The following BRINP3 variants were observed in gnomAD, a reference collection of about 807,000 sequenced individuals.
The protein encoded by BRINP3 is BMP/retinoic acid inducible neural specific 3, also known as BMP/retinoic acid-inducible neural-specific protein 3.
BRINP3 carries 19 observed loss-of-function variants against 71.0 expected under a neutral mutation model. The ratio of observed to expected loss-of-function variants is 0.27; its 90% CI spans 0.19 to 0.39. The LOEUF (loss-of-function observed/expected upper bound fraction) is 0.39, where lower values mean the gene tolerates loss of function less well. Among genes scored for constraint, BRINP3 ranks in the 10% least tolerant of loss-of-function variants. The pLI is 1.00. For synonymous variants in BRINP3, 380 were observed against 337.7 expected (o/e 1.13, Z -1.37); for missense variants, 959 against 940.8 (o/e 1.02, Z -0.25).
chr1:190,246,436 T>G (rs1659618276), intron 4 of BRINP3, among the ~76,000 whole-genome samples: 1 of 151,870 alleles, frequency 6.6e-6, no homozygotes, highest in Non-Finnish European at 1.5e-5. Flanking sequence ...GAATTTTGGG[T>G]CTCTAGAAGT....
chr1:190,144,158 C>T lies in BRINP3; in HGVS notation c.1184+16510G>A, dbSNP rs374187402. Among the ~76,000 whole-genome samples the T allele has an allele frequency of 1.8e-3, 270 of 152,216 alleles. 3 individuals are homozygous for T. The highest frequency in any genetic ancestry group is 6.1e-3 in the African/African-American group (253 of 41,552). ...AGAAAATTACAGGAAATTTCAGTAT[C>T]AATTAATGTCTTTTTGAAATGCAAC... On this transcript the variant is annotated intron_variant, in intron 7 of 7. Transcript: ENST00000367462.
intron 4 of BRINP3, among the ~76,000 whole-genome samples, chr1:190,235,507 T>C (rs1259962327): frequency 1.3e-5 from 2 of 152,066 alleles, no homozygotes; most frequent in East Asian, 3.8e-4. Flanking sequence ...TTCCCATTCT[T>C]ACTTAGGGTG....
chr1:190,334,309 A>C (rs1667149876), intron 2 of BRINP3, among the ~76,000 whole-genome samples: 1 of 151,860 alleles, frequency 6.6e-6, no homozygotes, highest in South Asian at 2.1e-4. Flanking sequence ...GTCTATGCTG[A>C]AAAATATGTG....
intron 2 of BRINP3, among the ~76,000 whole-genome samples, chr1:190,372,133 C>G (rs1219257632): frequency 6.6e-6 from 1 of 152,104 alleles, no homozygotes; most frequent in Non-Finnish European, 1.5e-5. Flanking sequence ...TAAGAGAGGA[C>G]ACAACAGTAA....
intron 2 of BRINP3, among the ~76,000 whole-genome samples, chr1:190,363,740 G>A (rs1344431404): frequency 6.6e-6 from 1 of 152,094 alleles, no homozygotes; most frequent in Non-Finnish European, 1.5e-5. Flanking sequence ...AATCGTAGTA[G>A]GAATGGAGTA....
rs762331502 is a variant in BRINP3, at chr1:190,454,798, C to A, written c.93G>T (p.Ala31=). 2.5e-6 allele frequency: 4 copies of A among 1,614,108 alleles called. No homozygotes were observed. The highest frequency in any genetic ancestry group is 1.6e-4 in the Middle Eastern group (1 of 6,062). The change falls in exon 2 of 8, where the codon GCG becomes GCT. Residue 31 remains alanine (A), a synonymous_variant. Transcript: ENST00000367462. ...CATGCTGATCCGAAACAGCAGCAACCGCTAAAACCCAGCAATGAAGACTCA... is the reference window on the plus strand; with the variant it reads ...CATGCTGATCCGAAACAGCAGCAACAGCTAAAACCCAGCAATGAAGACTCA... The part of the protein sequence containing the change: ...IALSLHCWVL[A]VAAVSDQHAT...
intron 3 of BRINP3, among the ~76,000 whole-genome samples, chr1:190,271,250 T>C (rs1293081085): frequency 6.6e-6 from 1 of 151,596 alleles, no homozygotes; most frequent in African/African-American, 2.4e-5. Context: ...AGTTTAGATG[T>C]AAGTGTACCA....
At position 190,410,020 on chromosome 1, in the gene BRINP3, C is replaced by A. The variant is rs538471320; in HGVS notation, c.236+44635G>T. 1.3e-4 allele frequency among the ~76,000 whole-genome samples: 20 copies of A among 152,016 alleles called. No individual in the cohort carries two copies. In the East Asian group the frequency reaches 2.1e-3, roughly 16 times the overall value. ...TATTTCTTTTTCCTCTTTCTCCTTCCCTCTTCTTTTATTTCCCTTCCTTCT... is the reference window on the plus strand; with the variant it reads ...TATTTCTTTTTCCTCTTTCTCCTTCACTCTTCTTTTATTTCCCTTCCTTCT... On this transcript the variant is annotated intron_variant, in intron 2 of 7. Transcript: ENST00000367462.
chr1:190,171,386 C>T lies in BRINP3; in HGVS notation c.962-10496G>A, dbSNP rs1044880581. 2.6e-5 allele frequency among the ~76,000 whole-genome samples: 4 copies of T among 152,208 alleles called. No individual in the cohort carries two copies. The South Asian group carries it at 8.3e-4, about 32-fold the overall frequency. On this transcript the variant is annotated intron_variant, in intron 6 of 7. Coordinates refer to ENST00000367462, the MANE Select transcript of BRINP3 (RefSeq NM_199051.3). Reference sequence around the variant, plus strand: ...AATAATACCTTCAAGGAAAAATACCCTTTCTTTTAAACAGGAAACACTTGC... The same window carrying T: ...AATAATACCTTCAAGGAAAAATACCTTTTCTTTTAAACAGGAAACACTTGC...
chr1:190,408,301 C>T (rs2102396572), intron 2 of BRINP3, among the ~76,000 whole-genome samples: 1 of 152,034 alleles, frequency 6.6e-6, no homozygotes, highest in Non-Finnish European at 1.5e-5. Context: ...ACCTCGGCCT[C>T]TCAAAGTGCT....
chr1:190,132,478 T>G (rs553624921), intron 7 of BRINP3, among the ~76,000 whole-genome samples: 2 of 152,204 alleles, frequency 1.3e-5, no homozygotes, highest in Admixed American at 1.3e-4. Context: ...TTTAAGCTGT[T>G]TGTATCATAT....
chr1:190,153,920 A>C (rs1335575013), intron 7 of BRINP3: 3 of 198,204 alleles, frequency 1.5e-5, no homozygotes, highest in Non-Finnish European at 2.7e-5. Flanking sequence ...TTGGGATGCA[A>C]GTTTGGCTCT....
At chr1:190,259,242 C>T (rs1051692573) in intron 4 of BRINP3, among the ~76,000 whole-genome samples, 1 of 150,672 alleles carries the variant, frequency 6.6e-6, no homozygotes, top group Non-Finnish European at 1.5e-5. Context: ...CAATCCTCAG[C>T]AAACTACTGG....
At chr1:190,239,619 G>A (rs565828412) in intron 4 of BRINP3, among the ~76,000 whole-genome samples, 3 of 152,038 alleles carry the variant, frequency 2.0e-5, no homozygotes, top group South Asian at 2.1e-4. Flanking sequence ...TATGTACTTC[G>A]CTGTATAAAT....
intron 6 of BRINP3, among the ~76,000 whole-genome samples, chr1:190,211,607 T>G (rs1655996844): frequency 6.6e-6 from 1 of 152,132 alleles, no homozygotes; most frequent in Non-Finnish European, 1.5e-5. Context: ...CAAATAAATA[T>G]GTTGTTCTCT....
At chr1:190,374,317 T>C (rs1343082342) in intron 2 of BRINP3, among the ~76,000 whole-genome samples, 1 of 152,112 alleles carries the variant, frequency 6.6e-6, no homozygotes, top group East Asian at 1.9e-4. Flanking sequence ...TATCTGTCTA[T>C]CTATCTATGT....
At chr1:190,157,049 A>G (rs1656931622) in intron 7 of BRINP3, among the ~76,000 whole-genome samples, 1 of 151,844 alleles carries the variant, frequency 6.6e-6, no homozygotes, top group Non-Finnish European at 1.5e-5. Flanking sequence ...CACCTCACAT[A>G]TATCTGCACT....
chr1:190,415,677 G>T (rs1220662692), intron 2 of BRINP3, among the ~76,000 whole-genome samples: 1 of 152,094 alleles, frequency 6.6e-6, no homozygotes, highest in African/African-American at 2.4e-5. Context: ...GAGGTGGGAG[G>T]ATTATGTGAG....
At chr1:190,225,974 T>A (rs1259390451) in intron 6 of BRINP3, 108 bp downstream of exon 6, 10 of 753,092 alleles carry the variant, frequency 1.3e-5, no homozygotes, top group Admixed American at 3.1e-5. Flanking sequence ...AATAAAAAAA[T>A]GAAAATCTTT....
Sources: gnomAD v4.1 joint callset for allele counts (sites outside exome capture counted in the v4.1 genomes callset) on GRCh38, gnomAD v4.1.1 for gene constraint, MANE v1.5 for transcripts, NCBI Gene and HGNC (gene_info 2026-07-23, HGNC 2026-07-21) for gene names.